Variants in DCDC2 observed in about 807,000 individuals in gnomAD.
DCDC2 encodes the protein doublecortin domain-containing protein 2.
Under a neutral mutation model 50.2 loss-of-function variants are expected in DCDC2, and 40 were observed. The ratio of observed to expected loss-of-function variants is 0.80; its 90% CI spans 0.62 to 1.04. The LOEUF (loss-of-function observed/expected upper bound fraction) is 1.04, where lower values mean the gene tolerates loss of function less well. Ranked by LOEUF, DCDC2 falls within the 50% of genes least tolerant of loss-of-function variation. DCDC2 has a pLI of 0.00. For missense variants in DCDC2, 570 were observed against 581.9 expected, an observed-to-expected ratio of 0.98 and a Z score of 0.21; for synonymous variants, 234 against 210.6, an observed-to-expected ratio of 1.11 and a Z score of -0.96.
intron 8 of DCDC2, among the ~76,000 whole-genome samples, chr6:24,191,295 T>C (rs1460524733): frequency 6.6e-6 from 1 of 152,122 alleles, no homozygotes. Context: ...TCTCCATTAG[T>C]TGGGGGTAGA....
At chr6:24,365,274 T>C in the DCDC2 span, among the ~76,000 whole-genome samples, 6 of 152,228 alleles carry the variant, frequency 3.9e-5, no homozygotes, top group Non-Finnish European at 8.8e-5. Context: ...TCATCCTCAT[T>C]GCCTCACCTA....
chr6:24,236,904 G>T (rs971587244), intron 7 of DCDC2, among the ~76,000 whole-genome samples: 6 of 152,076 alleles, frequency 3.9e-5, no homozygotes, highest in Non-Finnish European at 8.8e-5. Context: ...GGCCACTTGG[G>T]GGGCTGAGGC....
chr6:24,221,343 T>TCC (rs1762114381), intron 7 of DCDC2, among the ~76,000 whole-genome samples: 1 of 152,150 alleles, frequency 6.6e-6, no homozygotes, highest in African/African-American at 2.4e-5. Flanking sequence ...CACTTGCCTG[T>TCC]CCTCCTCTTC....
intron 7 of DCDC2, among the ~76,000 whole-genome samples, chr6:24,239,296 C>T (rs1461567908): frequency 6.6e-6 from 1 of 152,146 alleles, no homozygotes; most frequent in East Asian, 1.9e-4. Flanking sequence ...GGACAGGATA[C>T]CGTCCTTCTC....
intron 7 of DCDC2, among the ~76,000 whole-genome samples, chr6:24,240,975 A>G (rs1762551649): frequency 6.6e-6 from 1 of 152,230 alleles, no homozygotes; most frequent in African/African-American, 2.4e-5. Context: ...TATCAAGGCA[A>G]TCAGGAACAA....
At chr6:24,231,400 G>A (rs1762334043) in intron 7 of DCDC2, among the ~76,000 whole-genome samples, 1 of 152,122 alleles carries the variant, frequency 6.6e-6, no homozygotes. Flanking sequence ...CCATGAAGAA[G>A]GAAAAGGTAT....
intron 2 of DCDC2, among the ~76,000 whole-genome samples, chr6:24,316,883 T>TG (rs1487098024): frequency 6.6e-6 from 1 of 151,836 alleles, no homozygotes; most frequent in Non-Finnish European, 1.5e-5. Flanking sequence ...GATGCAAGTA[T>TG]GAAAAATACA....
intron 7 of DCDC2, among the ~76,000 whole-genome samples, chr6:24,261,756 C>T (rs1478309225): frequency 2.6e-5 from 4 of 152,168 alleles, no homozygotes; most frequent in Non-Finnish European, 2.9e-5. Context: ...CTCAGCTCGT[C>T]ATCTACTAAG....
chr6:24,361,101 GA>G (rs1314303658), upstream of DCDC2, among the ~76,000 whole-genome samples: 2 of 152,060 alleles, frequency 1.3e-5, no homozygotes, highest in African/African-American at 4.8e-5. Context: ...TTTCTGTTCT[GA>G]AGAAATATTT....
the DCDC2 span, among the ~76,000 whole-genome samples, chr6:24,379,950 A>G: frequency 6.6e-6 from 1 of 151,784 alleles, no homozygotes; most frequent in Non-Finnish European, 1.5e-5. Flanking sequence ...ACAAAAAACC[A>G]AACACCGCAT....
chr6:24,171,952 A>G lies in DCDC2; in HGVS notation c.*2778T>C, dbSNP rs939364816. Reference sequence around the variant, plus strand: ...ATTATATTGGTTATCACATAAAAGCATCATAAGTTTTTCGTAGCACTCTCT... The same window carrying G: ...ATTATATTGGTTATCACATAAAAGCGTCATAAGTTTTTCGTAGCACTCTCT... On this transcript the variant is annotated 3_prime_UTR_variant, in exon 10 of 10. Coordinates refer to ENST00000378454, the MANE Select transcript of DCDC2 (RefSeq NM_016356.5). 1 of 152,252 alleles carries G rather than the reference A, an allele frequency of 6.6e-6. No homozygotes were observed. The highest frequency in any genetic ancestry group is 2.4e-5 in the African/African-American group (1 of 41,470). The allele number at this position is 152,252 out of a possible 1,614,324, so 9.4% of individuals were successfully genotyped here. A position where few individuals can be genotyped will look rare whatever the true frequency, so the allele number is the denominator to read the frequency against.
Position 24,331,381 on chromosome 6 carries a change from A to C in DCDC2, c.348+22188T>G, listed in dbSNP as rs148537040. Among the ~76,000 whole-genome samples, 767 of 151,818 alleles carry C rather than the reference A, an allele frequency of 5.1e-3. 13 individuals are homozygous for C. The highest frequency in any genetic ancestry group is 0.016 in the African/African-American group (677 of 41,406). The stretch of plus-strand genomic sequence containing the variant: ...AGTAGCACAATCACAGCTCACTGCA[A>C]CCTTGATCTCTTGGCCTTAAGCGAT... On this transcript the variant is annotated intron_variant, in intron 2 of 9. Coordinates refer to ENST00000378454, the MANE Select transcript of DCDC2 (RefSeq NM_016356.5).
chr6:24,339,671 G>A (rs375315417), intron 2 of DCDC2, among the ~76,000 whole-genome samples: 24 of 152,274 alleles, frequency 1.6e-4, no homozygotes, highest in African/African-American at 5.1e-4. Context: ...TCACTTTGAT[G>A]GAGTACTAGG....
chr6:24,195,751 T>C (rs1761420354), intron 8 of DCDC2, among the ~76,000 whole-genome samples: 1 of 152,134 alleles, frequency 6.6e-6, no homozygotes, highest in African/African-American at 2.4e-5. Flanking sequence ...TCACCACAAG[T>C]TGAGAATGAT....
chr6:24,358,733 T>G (rs1393947042), upstream of DCDC2, among the ~76,000 whole-genome samples: 1 of 11,104 alleles, frequency 9.0e-5, no homozygotes, highest in Non-Finnish European at 2.0e-4. Flanking sequence ...TATTTTATTT[T>G]ATATATATTT....
intron 7 of DCDC2, among the ~76,000 whole-genome samples, chr6:24,264,718 C>T (rs2113808649): frequency 6.6e-6 from 1 of 151,122 alleles, no homozygotes; most frequent in Admixed American, 6.6e-5. Flanking sequence ...AAGAGAAGAT[C>T]CAAAACAACC....
At chr6:24,370,389 T>C in the DCDC2 span, among the ~76,000 whole-genome samples, 2 of 152,140 alleles carry the variant, frequency 1.3e-5, no homozygotes, top group Non-Finnish European at 2.9e-5. Context: ...TTCCTAAGCA[T>C]ATACCCAAGA....
At chr6:24,381,938 GAA>G in the DCDC2 span, among the ~76,000 whole-genome samples, 1 of 124,076 alleles carries the variant, frequency 8.1e-6, no homozygotes, top group African/African-American at 2.9e-5. Context: ...AAGAAAGAAA[GAA>G]AGAAGAAGAA....
rs76382507 is a variant in DCDC2, at chr6:24,209,343, G to A, written c.923-4241C>T. ...ATTTGTGGATTTAGACCATGACAGC[G>A]TTATTATGTGCCATGGTTGTCTAGT... On this transcript the variant is annotated intron_variant, in intron 7 of 9. Transcript: ENST00000378454. Among the ~76,000 whole-genome samples the A allele has an allele frequency of 7.7e-3, 1,175 of 152,198 alleles. 10 individuals carry two copies. The highest frequency in any genetic ancestry group is 0.025 in the African/African-American group (1,058 of 41,532).
Sources: allele counts gnomAD v4.1 joint callset (sites outside exome capture counted in the v4.1 genomes callset), GRCh38; gene constraint gnomAD v4.1.1; transcripts MANE v1.5; gene names NCBI Gene and HGNC (gene_info 2026-07-23, HGNC 2026-07-21).